Variants in COL17A1 observed in about 807,000 individuals in gnomAD.
COL17A1 encodes the protein collagen type XVII alpha 1 chain, also known as collagen alpha-1(XVII) chain.
In COL17A1, 181 loss-of-function variants were observed where a neutral mutation model predicts 218.4. The observed-to-expected ratio is 0.83, with a 90% CI of 0.73 to 0.94. The LOEUF is 0.94. COL17A1 is among the 40% of genes least tolerant of loss of function. The pLI, the probability that COL17A1 is intolerant of heterozygous loss-of-function variation, is 0.00. For synonymous variants in COL17A1, 721 were observed against 731.0 expected (o/e 0.99, Z 0.22); for missense variants, 1,924 against 1,945.9 (o/e 0.99, Z 0.21).
chr10:104,056,824 T>C, intron 17 of COL17A1, 151 bp downstream of exon 17: 3 of 1,471,518 alleles, frequency 2.0e-6, no homozygotes, highest in Admixed American at 2.1e-5. Context: ...CTCAGTTTAC[T>C]CATCTGCGGT....
At chr10:104,063,339 CTA>C (rs2086598977) in intron 11 of COL17A1, among the ~76,000 whole-genome samples, 1 of 152,212 alleles carries the variant, frequency 6.6e-6, no homozygotes, top group Non-Finnish European at 1.5e-5. Flanking sequence ...CTCCAACAAA[CTA>C]TGTGTTATAT....
intron 9 of COL17A1, among the ~76,000 whole-genome samples, chr10:104,065,298 T>C (rs545401440): frequency 6.6e-6 from 1 of 152,352 alleles, no homozygotes; most frequent in African/African-American, 2.4e-5. Flanking sequence ...TCTCTAGGCT[T>C]TTCTCCAGTA....
At chr10:104,052,975 A>T in intron 23 of COL17A1, 56 bp downstream of exon 23, 1 of 1,588,534 alleles carries the variant, frequency 6.3e-7, no homozygotes. Context: ...GGGTGTTGAC[A>T]GAGAGAAGGA....
chr10:104,045,246 T>C (rs1182084336), intron 33 of COL17A1, among the ~76,000 whole-genome samples: 1 of 152,124 alleles, frequency 6.6e-6, no homozygotes, highest in African/African-American at 2.4e-5. Context: ...CGACTTGCCC[T>C]CTCAGTAGCA....
At position 104,039,600 on chromosome 10, in the gene COL17A1, G is replaced by A; in HGVS notation, c.2821+8C>T. 3 of 1,614,164 alleles carry A rather than the reference G, an allele frequency of 1.9e-6. No homozygotes were observed. The highest frequency in any genetic ancestry group is 2.5e-6 in the Non-Finnish European group (3 of 1,180,028). ...CAGAGCCAGAATGGGGCGGGGTTCA[G>A]CCCTTACCTGAGGTTGAGAAACCTG... is the stretch of plus-strand genomic sequence containing the variant. On this transcript the variant is annotated splice_region_variant and intron_variant, in intron 42 of 55. Coordinates refer to ENST00000648076, the MANE Select transcript of COL17A1 (RefSeq NM_000494.4).
intron 17 of COL17A1, among the ~76,000 whole-genome samples, chr10:104,056,577 G>A (rs1324649115): frequency 7.2e-5 from 4 of 55,854 alleles, no homozygotes; most frequent in African/African-American, 1.4e-4. Context: ...ACGAGACGCC[G>A]TCTCAAAAAA....
chr10:104,048,875 C>T (rs1174039658), intron 29 of COL17A1, among the ~76,000 whole-genome samples: 1 of 150,326 alleles, frequency 6.7e-6, no homozygotes, highest in Admixed American at 6.7e-5. Flanking sequence ...CTTGCTCTGT[C>T]ACCCAGACTG....
chr10:104,039,708 C>T, intron 41 of COL17A1, 68 bp from the exon 42 acceptor site: 1 of 1,609,300 alleles, frequency 6.2e-7, no homozygotes, highest in Non-Finnish European at 8.5e-7. Flanking sequence ...CCTGTAGAGC[C>T]TCCCCAAGAT....
chr10:104,034,578 G>T, intron 51 of COL17A1, 43 bp downstream of exon 51: 1 of 1,597,332 alleles, frequency 6.3e-7, no homozygotes, highest in Non-Finnish European at 8.5e-7. Flanking sequence ...GAAAAGCAAG[G>T]CCTGCGGGGT....
chr10:104,073,244 T>C lies in COL17A1; in HGVS notation c.381A>G (p.Ala127=), dbSNP rs759371799. ...GACTCCGTCCTCTGGTTGAAGAAGA[T>C]GCTGAGAAACAAAGAAATGCATTTT... ...SSPEYPRKEF[A]SSSTRGRSQT... is the part of the protein sequence containing the mutation. The change falls in exon 7 of 56, where the codon GCA becomes GCG. Residue 127 remains alanine, a splice_region_variant and synonymous_variant. Coordinates refer to ENST00000648076, the MANE Select transcript of COL17A1 (RefSeq NM_000494.4). 6 of 1,613,720 alleles carry C rather than the reference T, an allele frequency of 3.7e-6. No homozygotes were observed. The highest frequency in any genetic ancestry group is 3.3e-5 in the Admixed American group (2 of 59,988).
At chr10:104,052,014 T>C in intron 24 of COL17A1, 141 bp downstream of exon 24, 4 of 1,127,108 alleles carry the variant, frequency 3.5e-6, no homozygotes, top group Non-Finnish European at 5.4e-6. Context: ...GGATGCTCTT[T>C]GGACCCACCC....
Position 104,057,111 on chromosome 10 carries a change from G to A in COL17A1, c.1329C>T (p.Gly443=), listed in dbSNP as rs765251121. The A allele has an allele frequency of 2.1e-5, 34 of 1,602,366 alleles. No individual in the cohort carries two copies. The highest frequency in any genetic ancestry group is 1.5e-5 in the Non-Finnish European group (18 of 1,179,208). ...CTGGTCCCCAAGGGCCGCCGCCAGC[G>A]CCACCAACACCGCCACCTCCTCCAC... ...GGSGGGGGVG[G]AGGGPWGPAP... The change falls in exon 17 of 56, where the codon GGC becomes GGT. Residue 443 remains glycine, a synonymous_variant. Coordinates refer to ENST00000648076, the MANE Select transcript of COL17A1 (RefSeq NM_000494.4).
chr10:104,054,942 T>C, intron 20 of COL17A1, 39 bp downstream of exon 20: 1 of 1,613,978 alleles, frequency 6.2e-7, no homozygotes, highest in Non-Finnish European at 8.5e-7. Flanking sequence ...AATTAACACT[T>C]GCTAATATTT....
At chr10:104,060,332 A>G in intron 13 of COL17A1, 52 bp from the exon 14 acceptor site, 1 of 1,608,696 alleles carries the variant, frequency 6.2e-7, no homozygotes, top group South Asian at 1.1e-5. Flanking sequence ...AGGAGAAGGG[A>G]GAGGGGAGAA....
chr10:104,050,977 T>C, intron 25 of COL17A1, 76 bp from the exon 26 acceptor site: 1 of 1,607,730 alleles, frequency 6.2e-7, no homozygotes, highest in Non-Finnish European at 8.5e-7. Flanking sequence ...TGCACACACA[T>C]GCACACATAC....
intron 12 of COL17A1, among the ~76,000 whole-genome samples, chr10:104,061,700 A>G (rs1355558088): frequency 6.6e-6 from 1 of 152,086 alleles, no homozygotes; most frequent in Non-Finnish European, 1.5e-5. Context: ...CTAGACCCCC[A>G]TGCATCTCCT....
chr10:104,040,438 T>C, intron 39 of COL17A1, 28 bp from the exon 40 acceptor site: 1 of 1,496,110 alleles, frequency 6.7e-7, no homozygotes, highest in Non-Finnish European at 9.3e-7. Context: ...AGTTTGAGTA[T>C]GGACACTGAT....
intron 34 of COL17A1, 22 bp downstream of exon 34, chr10:104,043,803 G>A (rs1439395182): frequency 6.2e-7 from 1 of 1,613,648 alleles, no homozygotes. Context: ...CAGAAAGGAG[G>A]GTCCCTCTAG....
chr10:104,061,069 G>T (rs1023582714), intron 13 of COL17A1, among the ~76,000 whole-genome samples: 38 of 152,270 alleles, frequency 2.5e-4, no homozygotes, highest in South Asian at 1.0e-3. Context: ...CAGTTTCTGA[G>T]GGCTCCATGA....
Sources: gnomAD v4.1 joint callset for allele counts (sites outside exome capture counted in the v4.1 genomes callset) on GRCh38, gnomAD v4.1.1 for gene constraint, MANE v1.5 for transcripts, NCBI Gene and HGNC (gene_info 2026-07-23, HGNC 2026-07-21) for gene names.